PRMT3: variants seen among roughly 807,000 people sequenced by gnomAD.
PRMT3 encodes protein arginine methyltransferase 3, also known as protein arginine N-methyltransferase 3.
In PRMT3, 62 loss-of-function variants were observed where a neutral mutation model predicts 71.9. The observed-to-expected ratio is 0.86, with a 90% CI of 0.70 to 1.07. The LOEUF is 1.07. PRMT3 is among the 50% of genes least tolerant of loss of function. PRMT3 has a pLI of 0.00. For synonymous variants in PRMT3, 213 were observed against 220.4 expected (o/e 0.97, Z 0.30); for missense variants, 663 against 643.0 (o/e 1.03, Z -0.34).
chr11:20,452,825 T>A (rs571499008), intron 11 of PRMT3, among the ~76,000 whole-genome samples: 1 of 152,236 alleles, frequency 6.6e-6, no homozygotes, highest in Non-Finnish European at 1.5e-5. Flanking sequence ...TGAGCAATTA[T>A]ATACATACAA....
chr11:20,493,770 C>A, intron 13 of PRMT3, 149 bp from the exon 14 acceptor site: 5 of 606,836 alleles, frequency 8.2e-6, no homozygotes, highest in Non-Finnish European at 1.4e-5. Context: ...TTTTTACTTA[C>A]AACATCTTTT....
chr11:20,388,825 A>G (rs1848652282), intron 2 of PRMT3, among the ~76,000 whole-genome samples: 1 of 152,216 alleles, frequency 6.6e-6, no homozygotes, highest in East Asian at 1.9e-4. Flanking sequence ...TCTGCCTGTT[A>G]GTCTTGGGAA....
chr11:20,387,966 C>T lies in PRMT3; in HGVS notation c.29-53C>T, dbSNP rs749351180. ...CCCATCGTCACCTGCTCCTCGAGCC[C>T]CCGGGCCGCACCGGTGTCCGAGGCC... is the stretch of plus-strand genomic sequence containing the variant. On this transcript the variant is annotated intron_variant, in intron 1 of 15. Transcript: ENST00000331079. The surrounding 1 kb of genome is among the most constrained non-coding windows in gnomAD (Gnocchi z 4.3). The T allele has an allele frequency of 4.3e-4, 697 of 1,610,456 alleles. 2 individuals are homozygous for T. The highest frequency in any genetic ancestry group is 5.3e-4 in the South Asian group (48 of 90,914).
rs989086960 is a variant in PRMT3 at position 20,460,261 on chromosome 11, G to T, written c.1073-1719G>T. 2.0e-5 allele frequency among the ~76,000 whole-genome samples: 3 copies of T among 152,032 alleles called. No homozygotes were observed. In the South Asian group the frequency reaches 6.2e-4, roughly 31 times the overall value. ...TCATGGTTTTTGTTTGTTTGTTTTTGTTTTTGCTGCATTTCTTTGGTACAT... is the reference window on the plus strand; with the variant it reads ...TCATGGTTTTTGTTTGTTTGTTTTTTTTTTTGCTGCATTTCTTTGGTACAT... On this transcript the variant is annotated intron_variant, in intron 11 of 15. Transcript: ENST00000331079.
At chr11:20,389,520 G>A (rs1476111090) in intron 2 of PRMT3, among the ~76,000 whole-genome samples, 1 of 152,092 alleles carries the variant, frequency 6.6e-6, no homozygotes, top group Admixed American at 6.5e-5. Flanking sequence ...GACATTTAAA[G>A]GATAATTGGT....
chr11:20,424,027 A>G (rs1190925229), intron 9 of PRMT3, among the ~76,000 whole-genome samples: 1 of 151,890 alleles, frequency 6.6e-6, no homozygotes, highest in Non-Finnish European at 1.5e-5. Context: ...TACTGAAAAT[A>G]CAAAAAATTA....
intron 13 of PRMT3, among the ~76,000 whole-genome samples, chr11:20,471,087 T>C (rs1850633700): frequency 6.6e-6 from 1 of 152,182 alleles, no homozygotes; most frequent in African/African-American, 2.4e-5. Context: ...TCTTGTAAAT[T>C]TGCATTAGTT....
intron 6 of PRMT3, among the ~76,000 whole-genome samples, chr11:20,396,356 A>G (rs1010237350): frequency 6.6e-6 from 1 of 152,168 alleles, no homozygotes; most frequent in Non-Finnish European, 1.5e-5. Context: ...ATCAAAATGT[A>G]GGCCGGGTGC....
At chr11:20,504,745 A>AGAGAGAGAGCGC (rs1491497481) in intron 15 of PRMT3, among the ~76,000 whole-genome samples, 2 of 141,142 alleles carry the variant, frequency 1.4e-5, no homozygotes, top group African/African-American at 5.2e-5. Context: ...AGAGAGAGAG[A>AGAGAGAGAGCGC]GCGAGAGCGA....
intron 10 of PRMT3, among the ~76,000 whole-genome samples, chr11:20,438,827 G>A (rs763740068): frequency 6.6e-6 from 1 of 152,188 alleles, no homozygotes; most frequent in African/African-American, 2.4e-5. Context: ...CAACCCTGAT[G>A]GCAGAGGGGT....
intron 9 of PRMT3, among the ~76,000 whole-genome samples, chr11:20,411,059 C>T (rs1044506309): frequency 2.6e-5 from 4 of 152,056 alleles, no homozygotes; most frequent in Non-Finnish European, 4.4e-5. Context: ...TAAGTAAGCA[C>T]ATAACTAAAA....
In PRMT3 at chr11:20,392,765, G is replaced by T. The variant is rs536437973; in HGVS notation, c.298-132G>T. ...AAGTTAATGAAATGACAGGCACGTA[G>T]ACTTTTTGGAGACATACTGACTTTG... On this transcript the variant is annotated intron_variant, in intron 4 of 15. Transcript: ENST00000331079. The T allele has an allele frequency of 6.8e-6, 4 of 586,576 alleles. 1 individual carries two copies. In the South Asian group the frequency reaches 1.0e-4, roughly 15 times the overall value. 36.3% of individuals were successfully genotyped at this position (586,576 alleles called of 1,614,324 possible).
intron 10 of PRMT3, among the ~76,000 whole-genome samples, chr11:20,444,387 A>G (rs1045964156): frequency 6.6e-6 from 1 of 152,112 alleles, no homozygotes; most frequent in Non-Finnish European, 1.5e-5. Flanking sequence ...TAAGGTATGC[A>G]TATTCTACAT....
In PRMT3 at chr11:20,504,745, A is replaced by AGAGAGAGAGAGAGAGC. The variant is rs1491497481; in HGVS notation, c.1487-3558_1487-3557insAGAGAGAGAGAGAGCG. Among the ~76,000 whole-genome samples the AGAGAGAGAGAGAGAGC allele has an allele frequency of 1.8e-3, 260 of 141,226 alleles. 3 individuals carry two copies. The highest frequency in any genetic ancestry group is 6.4e-3 in the African/African-American group (245 of 38,556). The allele number at this position is 141,226 out of a possible 152,430, so 92.6% of individuals were successfully genotyped here. Reference sequence around the variant, plus strand: ...GAGAGAGAGAGAGAGAGAGAGAGAGAGCGAGAGCGACTGAGACTCGGTCTG... The same window carrying AGAGAGAGAGAGAGAGC: ...GAGAGAGAGAGAGAGAGAGAGAGAGAGAGAGAGAGAGAGAGCGCGAGAGCGACTGAGACTCGGTCTG... On this transcript the variant is annotated intron_variant, in intron 15 of 15. Transcript: ENST00000331079.
At chr11:20,427,004 T>G in intron 10 of PRMT3, 139 bp downstream of exon 10, 2 of 1,241,570 alleles carry the variant, frequency 1.6e-6, no homozygotes, top group Non-Finnish European at 2.1e-6. Context: ...TTAGATACTA[T>G]AATGTGTAAT....
chr11:20,431,139 C>T (rs1432959086), intron 10 of PRMT3, among the ~76,000 whole-genome samples: 15 of 152,016 alleles, frequency 9.9e-5, no homozygotes, highest in East Asian at 1.9e-4. Context: ...TAAATGATGA[C>T]GGAATGTGAA....
rs1848629911 is a variant in PRMT3 at position 20,387,873 on chromosome 11, T to TG, written c.28+105dup. The TG allele has an allele frequency of 1.3e-6, 2 of 1,531,804 alleles. No homozygotes were observed. The highest frequency in any genetic ancestry group is 1.8e-6 in the Non-Finnish European group (2 of 1,138,220). 94.9% of individuals were successfully genotyped at this position (1,531,804 alleles called of 1,614,324 possible). On this transcript the variant is annotated intron_variant, in intron 1 of 15. Coordinates refer to ENST00000331079, the MANE Select transcript of PRMT3 (RefSeq NM_005788.4). This position sits in a 1 kb window ranked among gnomAD's most constrained non-coding sequence, Gnocchi z 4.3. ...CTCCGGGACACGGGCCCGGGCAGGG[T>TG]GGGGGGCTCGCAGGGATCATGAAGG...
chr11:20,493,919 G>T lies in PRMT3; in HGVS notation c.1348G>T (p.Ala450Ser), dbSNP rs374287882. The change falls in exon 14 of 16, where the codon GCA becomes TCA. Residue 450 changes from alanine to serine, a missense_variant and splice_region_variant. Ala to Ser is a moderately conservative substitution (Grantham distance 99). Coordinates refer to ENST00000331079, the MANE Select transcript of PRMT3 (RefSeq NM_005788.4). ...LKITRTSMCT[A>S]IAGYFDIYFE... ...TTATATTTCTTTTTTTAAAAAACAG[G>T]CAATTGCTGGCTACTTTGATATATA... 1.3e-6 allele frequency: 2 copies of T among 1,575,924 alleles called. No individual in the cohort carries two copies. Among genetic ancestry groups the T allele is most frequent in the Non-Finnish European group, 1.7e-6 (2 of 1,153,178 alleles).
rs193157520 is a variant in PRMT3 at position 20,420,247 on chromosome 11, G to A, written c.894-6519G>A. 3.0e-3 allele frequency among the ~76,000 whole-genome samples: 463 copies of A among 152,310 alleles called. 8 individuals are homozygous for A. The highest frequency in any genetic ancestry group is 2.9e-3 in the Non-Finnish European group (195 of 68,024). ...TAGGAATGCAAAGTTGGTTAAATATGAGAAAATCAGAAAAATCTATTGAGC... is the reference window on the plus strand; with the variant it reads ...TAGGAATGCAAAGTTGGTTAAATATAAGAAAATCAGAAAAATCTATTGAGC... On this transcript the variant is annotated intron_variant, in intron 9 of 15. Coordinates refer to ENST00000331079, the MANE Select transcript of PRMT3 (RefSeq NM_005788.4).
Sources: gnomAD v4.1 joint callset for allele counts (sites outside exome capture counted in the v4.1 genomes callset) on GRCh38, gnomAD v4.1.1 for gene constraint, Gnocchi (gnomAD v3.1) non-coding constraint, MANE v1.5 for transcripts, NCBI Gene and HGNC (gene_info 2026-07-23, HGNC 2026-07-21) for gene names.